The following HYCC1 variants were observed in gnomAD, a reference collection of about 807,000 sequenced individuals.
The protein encoded by HYCC1 is hyccin.
chr7:22,960,788 G>C, the HYCC1 span, among the ~76,000 whole-genome samples: 26 of 152,268 alleles, frequency 1.7e-4, no homozygotes, highest in African/African-American at 6.3e-4. Flanking sequence ...AGTGGCTCAC[G>C]CCTGTAATCC....
chr7:22,921,670 T>G, the HYCC1 span, among the ~76,000 whole-genome samples: 2 of 152,176 alleles, frequency 1.3e-5, no homozygotes, highest in Admixed American at 6.5e-5. Context: ...AGAACTCACA[T>G]AGTGAGGATT....
At chr7:23,006,772 A>T in the HYCC1 span, among the ~76,000 whole-genome samples, 1 of 152,232 alleles carries the variant, frequency 6.6e-6, no homozygotes, top group East Asian at 1.9e-4. Flanking sequence ...AATGTTTGTC[A>T]ACTATGAAAA....
At chr7:22,918,498 C>T in the HYCC1 span, among the ~76,000 whole-genome samples, 1 of 152,064 alleles carries the variant, frequency 6.6e-6, no homozygotes, top group Non-Finnish European at 1.5e-5. Flanking sequence ...TTTGCCACCC[C>T]AACACTTCAA....
chr7:22,990,785 C>T, the HYCC1 span, among the ~76,000 whole-genome samples: 1 of 152,160 alleles, frequency 6.6e-6, no homozygotes, highest in African/African-American at 2.4e-5. Context: ...TGGAGAATGA[C>T]ATCAACATTC....
chr7:22,988,630 T>A, the HYCC1 span, among the ~76,000 whole-genome samples: 1 of 152,158 alleles, frequency 6.6e-6, no homozygotes, highest in African/African-American at 2.4e-5. Context: ...TACAGATACA[T>A]ACACACATAT....
chr7:22,950,445 C>CT, the HYCC1 span, among the ~76,000 whole-genome samples: 3 of 151,838 alleles, frequency 2.0e-5, no homozygotes, highest in African/African-American at 7.3e-5. Context: ...CTCAATACAT[C>CT]TTTTTTTGAT....
At chr7:22,951,639 T>C in the HYCC1 span, among the ~76,000 whole-genome samples, 3 of 151,962 alleles carry the variant, frequency 2.0e-5, no homozygotes, top group East Asian at 5.8e-4. Context: ...TGGAGAAAAA[T>C]GTTATCTGTA....
the HYCC1 span, among the ~76,000 whole-genome samples, chr7:22,952,200 C>G: frequency 1.9e-4 from 29 of 151,584 alleles, no homozygotes; most frequent in African/African-American, 6.5e-4. Flanking sequence ...ACCAAGTAAA[C>G]AAGATAATTT....
chr7:23,012,529 T>C, the HYCC1 span, among the ~76,000 whole-genome samples: 2 of 152,160 alleles, frequency 1.3e-5, no homozygotes, highest in African/African-American at 2.4e-5. Context: ...TTTTCCCCCT[T>C]GCCACTTGGT....
At chr7:22,943,615 C>T in the HYCC1 span, 1 of 152,500 alleles carries the variant, frequency 6.6e-6, no homozygotes, top group Non-Finnish European at 1.5e-5. Flanking sequence ...TCCTAAGCAC[C>T]TCAACTTGCT....
the HYCC1 span, among the ~76,000 whole-genome samples, chr7:22,898,714 T>C: frequency 0.058 from 8,817 of 151,524 alleles, 360 homozygotes; most frequent in Middle Eastern, 0.15. Flanking sequence ...GTGATTCTCC[T>C]GCCTCAGCTT....
chr7:23,011,490 T>C, the HYCC1 span, among the ~76,000 whole-genome samples: 3 of 152,292 alleles, frequency 2.0e-5, no homozygotes, highest in East Asian at 3.9e-4. Flanking sequence ...TTTCTTCTCA[T>C]AGGTGATTAG....
the HYCC1 span, among the ~76,000 whole-genome samples, chr7:22,958,398 CTTACTTT>C: frequency 2.0e-5 from 3 of 152,042 alleles, no homozygotes; most frequent in African/African-American, 7.2e-5. Flanking sequence ...ATGCATGTGA[CTTACTTT>C]TTATAGTTCA....
chr7:22,897,794 A>T, the HYCC1 span, among the ~76,000 whole-genome samples: 3 of 151,548 alleles, frequency 2.0e-5, no homozygotes, highest in African/African-American at 7.3e-5. Flanking sequence ...TTTAAAATTT[A>T]TTTATTTATT....
At chr7:22,945,543 T>C in the HYCC1 span, 1 of 1,407,222 alleles carries the variant, frequency 7.1e-7, no homozygotes. Flanking sequence ...GAAGCAAAGT[T>C]GTATTTCCAG....
chr7:22,945,808 T>A, the HYCC1 span: 226 of 1,613,670 alleles, frequency 1.4e-4, no homozygotes, highest in Non-Finnish European at 1.8e-4. Flanking sequence ...ATTTACTAAA[T>A]ACAGTCGCTG....
chr7:22,953,706 G>A, the HYCC1 span, among the ~76,000 whole-genome samples: 1 of 151,662 alleles, frequency 6.6e-6, no homozygotes, highest in African/African-American at 2.4e-5. Context: ...CTCCATGGAA[G>A]TTCCACATTG....
chr7:22,954,961 T>C, the HYCC1 span, among the ~76,000 whole-genome samples: 1 of 151,630 alleles, frequency 6.6e-6, no homozygotes, highest in East Asian at 1.9e-4. Context: ...ATAAGAAACA[T>C]AAATTTTGTC....
the HYCC1 span, among the ~76,000 whole-genome samples, chr7:22,916,951 T>C: frequency 6.6e-6 from 1 of 152,200 alleles, no homozygotes; most frequent in Non-Finnish European, 1.5e-5. Context: ...GAAAGAGGTT[T>C]CCTCACTACA....
Sources: gnomAD v4.1 joint callset for allele counts (sites outside exome capture counted in the v4.1 genomes callset) on GRCh38, gnomAD v4.1.1 for gene constraint, MANE v1.5 for transcripts, NCBI Gene and HGNC (gene_info 2026-07-23, HGNC 2026-07-21) for gene names.